Variants in MYT1L observed in about 807,000 individuals in gnomAD.
MYT1L encodes the protein myelin transcription factor 1 like.
MYT1L carries 12 observed loss-of-function variants against 126.7 expected under a neutral mutation model. The observed-to-expected ratio is 0.09, with a 90% confidence interval of 0.06 to 0.15. MYT1L has a LOEUF of 0.15. Among genes scored for constraint, MYT1L ranks in the 10% least tolerant of loss-of-function variants. The probability of loss-of-function intolerance (pLI) is 1.00; values close to 1 mark genes in which losing one functional copy is unlikely to be tolerated. For synonymous variants in MYT1L, 541 were observed against 604.2 expected, an observed-to-expected ratio of 0.90 and a Z score of 1.53; for missense variants, 979 against 1,585.2, an observed-to-expected ratio of 0.62 and a Z score of 6.49.
intron 1 of MYT1L, among the ~76,000 whole-genome samples, chr2:2,314,125 A>G (rs953499034): frequency 6.6e-6 from 1 of 152,224 alleles, no homozygotes; most frequent in African/African-American, 2.4e-5. Flanking sequence ...AATAAGAAAC[A>G]AAACTCCACC....
chr2:1,962,863 T>C (rs2059066872), intron 8 of MYT1L, among the ~76,000 whole-genome samples: 1 of 152,212 alleles, frequency 6.6e-6, no homozygotes, highest in Admixed American at 6.5e-5. Context: ...GCTGAAGTCT[T>C]GAACCCCTCA....
intron 8 of MYT1L, among the ~76,000 whole-genome samples, chr2:1,951,564 C>T (rs950957539): frequency 3.9e-5 from 6 of 152,332 alleles, no homozygotes; most frequent in African/African-American, 1.2e-4. Context: ...ACCAGAGCCA[C>T]GTAAATGTTA....
At position 2,104,161 on chromosome 2, in the gene MYT1L, C is replaced by T. The variant is rs148265423; in HGVS notation, c.-303-50038G>A. ...TTACATTAATACCACAGTATGTCCT[C>T]GAAATAGGTACTAGGCAGCTGGAAG... On this transcript the variant is annotated intron_variant, in intron 3 of 24. Transcript: ENST00000647738. Among the ~76,000 whole-genome samples the T allele has an allele frequency of 4.2e-3, 646 of 152,266 alleles. 7 individuals are homozygous for T. Among genetic ancestry groups the T allele is most frequent in the African/African-American group, 0.015 (619 of 41,540 alleles).
rs750720517 is a variant in MYT1L at position 1,845,760 on chromosome 2, C to T, written c.2775-4917G>A. Reference sequence around the variant, plus strand: ...TTTTACCCCCTTATACTGAATTCAACGGGACTCCTAAAGCAAGTTCCGTTT... The same window carrying T: ...TTTTACCCCCTTATACTGAATTCAATGGGACTCCTAAAGCAAGTTCCGTTT... On this transcript the variant is annotated intron_variant, in intron 19 of 24. Transcript: ENST00000647738. 1.7e-4 allele frequency among the ~76,000 whole-genome samples: 26 copies of T among 152,228 alleles called. 1 individual carries two copies. Among genetic ancestry groups the T allele is most frequent in the Admixed American group, 1.1e-3 (17 of 15,288 alleles).
chr2:1,952,993 CTTTT>C (rs148963373), intron 8 of MYT1L, among the ~76,000 whole-genome samples: 27,085 of 120,908 alleles, frequency 0.22, 2,916 homozygotes, highest in East Asian at 0.32. Flanking sequence ...CTCTTTCTTT[CTTTT>C]CTTTTCTTTT....
intron 3 of MYT1L, among the ~76,000 whole-genome samples, chr2:2,088,894 CTACAAA>C (rs2076623112): frequency 6.6e-6 from 1 of 152,144 alleles, no homozygotes; most frequent in Non-Finnish European, 1.5e-5. Flanking sequence ...CTCAAGTATC[CTACAAA>C]TACAGACTGA....
At chr2:1,858,388 A>C (rs948056609) in intron 18 of MYT1L, among the ~76,000 whole-genome samples, 9 of 140,292 alleles carry the variant, frequency 6.4e-5, no homozygotes, top group African/African-American at 2.0e-4. Context: ...ACATCCTCAG[A>C]TTCAACCAAT....
At chr2:2,159,195 T>C (rs2087352865) in intron 3 of MYT1L, among the ~76,000 whole-genome samples, 1 of 152,098 alleles carries the variant, frequency 6.6e-6, no homozygotes, top group South Asian at 2.1e-4. Flanking sequence ...GTGACAGACC[T>C]GCTTTTCAGC....
intron 2 of MYT1L, among the ~76,000 whole-genome samples, chr2:2,216,262 T>C (rs1366051987): frequency 6.6e-6 from 1 of 152,114 alleles, no homozygotes; most frequent in Non-Finnish European, 1.5e-5. Context: ...TCTTCTGGGG[T>C]GTAACACAAG....
At chr2:1,826,092 T>C (rs1224937371) in intron 21 of MYT1L, 5 of 152,310 alleles carry the variant, frequency 3.3e-5, no homozygotes, top group Non-Finnish European at 7.3e-5. Flanking sequence ...GGAACCCGCA[T>C]GAGCTGTGAG....
intron 2 of MYT1L, among the ~76,000 whole-genome samples, chr2:2,234,992 CT>C (rs955057650): frequency 2.0e-5 from 3 of 152,212 alleles, no homozygotes; most frequent in African/African-American, 7.2e-5. Context: ...TGGACCTCCC[CT>C]TTTTCACTTT....
chr2:2,006,002 G>A (rs1419909642), intron 4 of MYT1L, among the ~76,000 whole-genome samples: 5 of 147,276 alleles, frequency 3.4e-5, no homozygotes, highest in African/African-American at 1.3e-4. Context: ...GTTCTTTCCT[G>A]CATGCATTCT....
intron 2 of MYT1L, among the ~76,000 whole-genome samples, chr2:2,279,948 G>A (rs1229256116): frequency 7.9e-5 from 12 of 152,088 alleles, no homozygotes; most frequent in Admixed American, 7.9e-4. Context: ...TCAAGGATGG[G>A]GTAAGAGGTA....
intron 4 of MYT1L, among the ~76,000 whole-genome samples, chr2:2,011,166 A>G (rs1362681321): frequency 2.0e-5 from 3 of 152,200 alleles, no homozygotes; most frequent in African/African-American, 7.2e-5. Context: ...AGGCGGGTGG[A>G]TCACTTGAGG....
At chr2:1,809,034 CT>C in intron 22 of MYT1L, 41 bp downstream of exon 22, 1 of 1,592,070 alleles carries the variant, frequency 6.3e-7, no homozygotes. Flanking sequence ...CCCGCTGGGC[CT>C]TCCTGACCAT....
chr2:2,194,615 G>A (rs1381137310), intron 2 of MYT1L, among the ~76,000 whole-genome samples: 1 of 152,084 alleles, frequency 6.6e-6, no homozygotes, highest in Non-Finnish European at 1.5e-5. Flanking sequence ...TTTTTCAGAA[G>A]CAGTAGAGTG....
Position 1,801,600 on chromosome 2 carries a change from G to C in MYT1L, c.3276+96C>G. 1 of 749,136 alleles carries C rather than the reference G, an allele frequency of 1.3e-6. No individual in the cohort carries two copies. Among genetic ancestry groups the C allele is most frequent in the Non-Finnish European group, 2.3e-6 (1 of 437,356 alleles). 46.4% of individuals were successfully genotyped at this position (749,136 alleles called of 1,614,324 possible). ...AAGGAAATAAAAGAGCAAATAAGAG[G>C]AAACGACAGCTCTCCTAAAAGCTGA... On this transcript the variant is annotated intron_variant, in intron 23 of 24. Coordinates refer to ENST00000647738, the MANE Select transcript of MYT1L (RefSeq NM_001303052.2). This position sits in a 1 kb window ranked among gnomAD's most constrained non-coding sequence, Gnocchi z 4.2.
chr2:2,198,674 T>C (rs904649988), intron 2 of MYT1L, among the ~76,000 whole-genome samples: 4 of 151,974 alleles, frequency 2.6e-5, no homozygotes, highest in Non-Finnish European at 4.4e-5. Flanking sequence ...TTGACCAACA[T>C]GGTGAAACCC....
chr2:2,284,690 G>C (rs1056187998), intron 1 of MYT1L, among the ~76,000 whole-genome samples, 187 bp from the exon 2 acceptor site: 1 of 152,138 alleles, frequency 6.6e-6, no homozygotes. Flanking sequence ...CACTCCTACT[G>C]TGTCTCCTCA....
Sources: allele counts gnomAD v4.1 joint callset (sites outside exome capture counted in the v4.1 genomes callset), GRCh38; gene constraint gnomAD v4.1.1; non-coding constraint Gnocchi (gnomAD v3.1); transcripts MANE v1.5; gene names NCBI Gene and HGNC (gene_info 2026-07-23, HGNC 2026-07-21).